PCNT: variants seen among roughly 807,000 people sequenced by gnomAD.
PCNT encodes kendrin.
Under a neutral mutation model 380.4 loss-of-function variants are expected in PCNT, and 319 were observed. That is an observed-to-expected ratio of 0.84 (90% CI 0.77 to 0.92). The LOEUF (loss-of-function observed/expected upper bound fraction) is 0.92, where lower values mean the gene tolerates loss of function less well. PCNT is among the 40% of genes least tolerant of loss of function. The pLI is 0.00. For synonymous variants in PCNT, 1,845 were observed against 1,735.2 expected (o/e 1.06, Z -1.57); for missense variants, 4,400 against 4,255.3 (o/e 1.03, Z -0.95).
chr21:46,400,051 T>C lies in PCNT; in HGVS notation c.4791+255T>C, dbSNP rs553129258. Among the ~76,000 whole-genome samples the C allele has an allele frequency of 1.1e-4, 16 of 152,350 alleles. No individual in the cohort carries two copies. The East Asian group carries it at 2.7e-3, about 26-fold the overall frequency. On this transcript the variant is annotated intron_variant, in intron 25 of 46. Transcript: ENST00000359568. Reference sequence around the variant, plus strand: ...CAATTTCTTTATGTCTCAAGAACTCTGAATTTATCCTTAATATTTCATAAA... The same window carrying C: ...CAATTTCTTTATGTCTCAAGAACTCCGAATTTATCCTTAATATTTCATAAA...
rs144262421 is a variant in PCNT, at chr21:46,389,215, G to A, written c.3624G>A (p.Glu1208=). ...LALSTAPALE[E]TWSDVALPEL... ...ATCTTGTAGCTCCGGCGCTGGAGGA[G>A]ACATGGTCTGATGTGGCCCTCCCGG... The change falls in exon 19 of 47, where the codon GAG becomes GAA. Residue 1208 remains glutamate (E), a synonymous_variant. Coordinates refer to ENST00000359568, the MANE Select transcript of PCNT (RefSeq NM_006031.6). 5.0e-6 allele frequency: 8 copies of A among 1,614,020 alleles called. No individual in the cohort carries two copies. Among genetic ancestry groups the A allele is most frequent in the Non-Finnish European group, 6.8e-6 (8 of 1,179,986 alleles).
chr21:46,378,094 C>T (rs1457947586), intron 15 of PCNT, among the ~76,000 whole-genome samples: 2 of 152,096 alleles, frequency 1.3e-5, no homozygotes, highest in East Asian at 3.9e-4. Context: ...TTCTGTATTC[C>T]TCCATTACTG....
chr21:46,381,196 CTGTGTGTGTGTGTGTGTGTGTGTG>C lies in PCNT; in HGVS notation c.3166-472_3166-449del, dbSNP rs10523538. ...TTCCAAAAAAAAAAAAAAAAAATCT[CTGTGTGTGTGTGTGTGTGTGTGTG>C]TGTGTGTGTGTGTGTGTGTGTGTGT... On this transcript the variant is annotated intron_variant, in intron 15 of 46. Coordinates refer to ENST00000359568, the MANE Select transcript of PCNT (RefSeq NM_006031.6). 4.7e-4 allele frequency among the ~76,000 whole-genome samples: 58 copies of C among 122,250 alleles called. 4 individuals carry two copies. The East Asian group carries it at 0.012, about 25-fold the overall frequency. 80.2% of individuals were successfully genotyped at this position (122,250 alleles called of 152,430 possible).
At position 46,418,315 on chromosome 21, in the gene PCNT, G is replaced by T; in HGVS notation, c.7024+9G>T. The stretch of plus-strand genomic sequence containing the variant: ...TGATAGAAGTGAGAAAAGTGAGTTG[G>T]TTATCTTTCATTTTTAATTTTTTAT... On this transcript the variant is annotated intron_variant, in intron 31 of 46. Coordinates refer to ENST00000359568, the MANE Select transcript of PCNT (RefSeq NM_006031.6). The T allele has an allele frequency of 6.9e-7, 1 of 1,456,320 alleles. No individual in the cohort carries two copies. Among genetic ancestry groups the T allele is most frequent in the Non-Finnish European group, 9.6e-7 (1 of 1,036,652 alleles). The allele number at this position is 1,456,320 out of a possible 1,614,324, so 90.2% of individuals were successfully genotyped here.
At position 46,385,878 on chromosome 21, in the gene PCNT, G is replaced by A. The variant is rs777563319; in HGVS notation, c.3359G>A (p.Arg1120His). ...TTAAGTCACGAGATAGAAGAGTGCCGCTCCGAGTTGGAGGTGCTGCAGCAG... is the reference window on the plus strand; with the variant it reads ...TTAAGTCACGAGATAGAAGAGTGCCACTCCGAGTTGGAGGTGCTGCAGCAG... The part of the protein sequence containing the change: ...LSLSHEIEEC[R>H]SELEVLQQRR... Residue 1120 changes from arginine (R) to histidine (H), a missense_variant, in exon 17 of 47, where the codon CGC (arginine) becomes CAC (histidine). Coordinates refer to ENST00000359568, the MANE Select transcript of PCNT (RefSeq NM_006031.6). 13 of 1,614,040 alleles carry A rather than the reference G, an allele frequency of 8.1e-6. No homozygotes were observed. Among genetic ancestry groups the A allele is most frequent in the South Asian group, 2.2e-5 (2 of 91,084 alleles).
At chr21:46,371,942 G>A (rs772702127) in intron 15 of PCNT, among the ~76,000 whole-genome samples, 2 of 144,290 alleles carry the variant, frequency 1.4e-5, no homozygotes, top group Non-Finnish European at 3.0e-5. Context: ...TGCTCACACA[G>A]CATGTGCGCA....
chr21:46,329,925 C>T (rs576583733), intron 2 of PCNT, among the ~76,000 whole-genome samples: 3 of 152,200 alleles, frequency 2.0e-5, no homozygotes, highest in Admixed American at 6.6e-5. Context: ...CATCTCACAT[C>T]GTCATCCTGA....
intron 37 of PCNT, chr21:46,431,173 C>A (rs969543939): frequency 1.7e-6 from 2 of 1,207,588 alleles, no homozygotes; most frequent in African/African-American, 3.1e-5. Context: ...GGGGCAGGAG[C>A]CTCTGGTGGA....
rs993326127 is a variant in PCNT at position 46,388,430 on chromosome 21, C to G, written c.3465-312C>G. ...CTGCTCCCGGGTGATTGACGCTGTG[C>G]GGCCACATCGCACACCTGCGGGACG... On this transcript the variant is annotated intron_variant, in intron 17 of 46. Transcript: ENST00000359568. The surrounding 1 kb of genome is among the most constrained non-coding windows in gnomAD (Gnocchi z 4.2). 6.6e-6 allele frequency among the ~76,000 whole-genome samples: 1 copy of G among 152,292 alleles called. No homozygotes were observed. The highest frequency in any genetic ancestry group is 2.1e-4 in the South Asian group (1 of 4,828).
intron 3 of PCNT, among the ~76,000 whole-genome samples, chr21:46,337,645 C>T (rs549240263): frequency 5.3e-4 from 81 of 152,266 alleles, no homozygotes; most frequent in African/African-American, 1.8e-3. Context: ...TGCAGTGGCG[C>T]GATCTCGGCT....
intron 27 of PCNT, among the ~76,000 whole-genome samples, chr21:46,406,309 T>G (rs1187642360): frequency 6.6e-6 from 1 of 152,244 alleles, no homozygotes; most frequent in Non-Finnish European, 1.5e-5. Flanking sequence ...AATTTTACCA[T>G]TTACTTCTCC....
chr21:46,331,788 TAAAG>T (rs1436668113), intron 2 of PCNT, among the ~76,000 whole-genome samples: 1 of 151,092 alleles, frequency 6.6e-6, no homozygotes, highest in Non-Finnish European at 1.5e-5. Context: ...ATCATAAAAA[TAAAG>T]CAATGGTAGA....
chr21:46,397,546 A>G, intron 22 of PCNT, 52 bp downstream of exon 22: 3 of 1,429,502 alleles, frequency 2.1e-6, no homozygotes, highest in South Asian at 1.2e-5. Context: ...TTGCCGTTAC[A>G]GCATGAACTT....
At chr21:46,331,308 C>T (rs1372473039) in intron 2 of PCNT, among the ~76,000 whole-genome samples, 1 of 152,108 alleles carries the variant, frequency 6.6e-6, no homozygotes, top group African/African-American at 2.4e-5. Context: ...AGGCATAAGC[C>T]GCTGTGCCCA....
intron 14 of PCNT, among the ~76,000 whole-genome samples, chr21:46,365,314 GCCATGGGGTT>G (rs2084864204): frequency 7.0e-6 from 1 of 142,554 alleles, no homozygotes; most frequent in Non-Finnish European, 1.5e-5. Context: ...TCTATTCACT[GCCATGGGGTT>G]CTATTCACTG....
chr21:46,363,381 G>A, intron 13 of PCNT, 99 bp from the exon 14 acceptor site: 2 of 867,126 alleles, frequency 2.3e-6, no homozygotes, highest in Non-Finnish European at 3.9e-6. Context: ...TGTGTGTGTG[G>A]TGAAAATTCC....
chr21:46,349,969 A>G, intron 8 of PCNT, 149 bp downstream of exon 8: 1 of 834,322 alleles, frequency 1.2e-6, no homozygotes, highest in East Asian at 2.7e-5. Flanking sequence ...CACGCCTGTA[A>G]CTCTATCACT....
chr21:46,415,095 A>G (rs1363312086), intron 29 of PCNT, among the ~76,000 whole-genome samples: 1 of 152,178 alleles, frequency 6.6e-6, no homozygotes, highest in African/African-American at 2.4e-5. Flanking sequence ...AGTGTCCCGC[A>G]CGTCGCTGGG....
chr21:46,435,861 A>G (rs2053426675), intron 38 of PCNT, 43 bp from the exon 39 acceptor site: 4 of 1,613,256 alleles, frequency 2.5e-6, no homozygotes, highest in Middle Eastern at 1.6e-4. Flanking sequence ...GTTTTTGGAC[A>G]CTGACGTGAA....
Sources: allele counts gnomAD v4.1 joint callset (sites outside exome capture counted in the v4.1 genomes callset), GRCh38; gene constraint gnomAD v4.1.1; non-coding constraint Gnocchi (gnomAD v3.1); transcripts MANE v1.5; gene names NCBI Gene and HGNC (gene_info 2026-07-23, HGNC 2026-07-21).